Variants in CEP120 observed in about 807,000 individuals in gnomAD.
CEP120 encodes centrosomal protein of 120 kDa.
A neutral mutation model predicts 126.5 loss-of-function variants in CEP120; 113 were observed. The ratio of observed to expected loss-of-function variants is 0.89; its 90% CI spans 0.77 to 1.04. The LOEUF (loss-of-function observed/expected upper bound fraction) is 1.04. Ranked by LOEUF, CEP120 falls within the 50% of genes least tolerant of loss-of-function variation. The pLI is 0.00. For missense variants in CEP120, 1,230 were observed against 1,155.7 expected, an observed-to-expected ratio of 1.06 and a Z score of -0.93; for synonymous variants, 400 against 394.3, an observed-to-expected ratio of 1.01 and a Z score of -0.17.
intron 1 of CEP120, among the ~76,000 whole-genome samples, chr5:123,419,782 C>T (rs7706501): frequency 0.44 from 67,312 of 151,834 alleles, 14,850 homozygotes; most frequent in East Asian, 0.47. Flanking sequence ...ATGAGTAAAA[C>T]AGAGTACTTG....
Position 123,346,750 on chromosome 5 carries a change from T to G in CEP120, c.2730A>C (p.Leu910Phe). 1 of 1,595,900 alleles carries G rather than the reference T, an allele frequency of 6.3e-7. No individual in the cohort carries two copies. Among genetic ancestry groups the G allele is most frequent in the Non-Finnish European group, 8.5e-7 (1 of 1,173,468 alleles). Residue 910 changes from leucine (L) to phenylalanine (F), a missense_variant, in exon 20 of 20, where the codon TTA (leucine) becomes TTC (phenylalanine). Leu to Phe is a conservative substitution (Grantham distance 22, BLOSUM62 0). Coordinates refer to ENST00000306467, the MANE Select transcript of CEP120 (RefSeq NM_001375405.1). The stretch of plus-strand genomic sequence containing the variant: ...GGTATTGTTTTTGCTCTTGTTGCCT[T>G]AACCTGAGAAGTCAAGAACAAATGC... ...LLDIRNELNR[L>F]RQQEQKQYQD...
At chr5:123,358,490 A>C (rs891186497) in intron 18 of CEP120, 3 of 152,140 alleles carry the variant, frequency 2.0e-5, no homozygotes, top group African/African-American at 4.8e-5. Flanking sequence ...TGTCTATGTT[A>C]TATGGTGCTG....
Position 123,362,682 on chromosome 5 carries a change from A to G in CEP120, c.2580+1814T>C, listed in dbSNP as rs544626291. On this transcript the variant is annotated intron_variant, in intron 18 of 19. Transcript: ENST00000306467. Reference sequence around the variant, plus strand: ...TAACAGTATCATCATAGTGATCTTCACATTTTCTCTAGCTGTTATTTCCTT... The same window carrying G: ...TAACAGTATCATCATAGTGATCTTCGCATTTTCTCTAGCTGTTATTTCCTT... 2.0e-5 allele frequency among the ~76,000 whole-genome samples: 3 copies of G among 151,696 alleles called. No homozygotes were observed. In the South Asian group the frequency reaches 6.2e-4, roughly 31 times the overall value.
chr5:123,382,809 T>C lies in CEP120; in HGVS notation c.1941A>G (p.Glu647=). The C allele has an allele frequency of 6.2e-7, 1 of 1,613,494 alleles. No individual in the cohort carries two copies. Among genetic ancestry groups the C allele is most frequent in the South Asian group, 1.1e-5 (1 of 91,042 alleles). The part of the protein sequence containing the change: ...CPSEIQTEPR[E]TLEYKAALEL... Reference sequence around the variant, plus strand: ...CAAGTGCTGCTTTGTATTCTAACGTTTCACGAGGCTCTGTCTGGATCTCTG... The same window carrying C: ...CAAGTGCTGCTTTGTATTCTAACGTCTCACGAGGCTCTGTCTGGATCTCTG... Residue 647 remains glutamate, a synonymous_variant, in exon 13 of 20, where the codon GAA becomes GAG. Transcript: ENST00000306467.
chr5:123,410,834 C>T (rs6884993), intron 4 of CEP120, among the ~76,000 whole-genome samples: 110,167 of 152,114 alleles, frequency 0.72, 40,096 homozygotes, highest in African/African-American at 0.78. Context: ...ACTCATAAGC[C>T]GGACTTCATT....
At position 123,385,043 on chromosome 5, in the gene CEP120, C is replaced by T. The variant is rs75289011; in HGVS notation, c.1671G>A (p.Leu557=). 2,215 of 1,613,656 alleles carry T rather than the reference C, an allele frequency of 1.4e-3. 17 individuals are homozygous for T. Among genetic ancestry groups the T allele is most frequent in the Middle Eastern group, 9.9e-3 (60 of 6,056 alleles). The change falls in exon 11 of 20, where the codon TTG becomes TTA. Residue 557 remains leucine (L), a synonymous_variant. Coordinates refer to ENST00000306467, the MANE Select transcript of CEP120 (RefSeq NM_001375405.1). ...GIARIQLSNI[L]SSEKTRFLGS... ...CTAAAAAACGAGTTTTTTCTGAAGA[C>T]AAGATGTTAGAAAGCTGGATTCTCG...
At chr5:123,389,078 T>C (rs370233426) in intron 8 of CEP120, among the ~76,000 whole-genome samples, 6 of 152,276 alleles carry the variant, frequency 3.9e-5, no homozygotes, top group African/African-American at 1.4e-4. Context: ...CAGAGATACT[T>C]AGTGAGTGGC....
At chr5:123,365,578 A>G (rs1458993160) in intron 17 of CEP120, among the ~76,000 whole-genome samples, 3 of 151,710 alleles carry the variant, frequency 2.0e-5, no homozygotes, top group Non-Finnish European at 4.4e-5. Context: ...ATATGACTAC[A>G]TGGAGTCAAG....
chr5:123,391,728 A>C (rs1339467933), intron 6 of CEP120, among the ~76,000 whole-genome samples: 1 of 152,224 alleles, frequency 6.6e-6, no homozygotes, highest in Non-Finnish European at 1.5e-5. Flanking sequence ...CCATTAATTT[A>C]AACACAGTTT....
At chr5:123,356,511 C>T (rs566171664) in intron 18 of CEP120, among the ~76,000 whole-genome samples, 17 of 152,184 alleles carry the variant, frequency 1.1e-4, no homozygotes, top group African/African-American at 4.1e-4. Flanking sequence ...ATTTGGTCCA[C>T]TTAAAGCATT....
At chr5:123,396,778 G>C (rs1167673410) in intron 5 of CEP120, among the ~76,000 whole-genome samples, 1 of 152,076 alleles carries the variant, frequency 6.6e-6, no homozygotes, top group East Asian at 1.9e-4. Flanking sequence ...GCATTATATG[G>C]GAACAAGAGA....
chr5:123,378,384 T>G lies in CEP120; in HGVS notation c.2148A>C (p.Leu716=), dbSNP rs771155063. 1 of 1,607,968 alleles carries G rather than the reference T, an allele frequency of 6.2e-7. No homozygotes were observed. The highest frequency in any genetic ancestry group is 8.5e-7 in the Non-Finnish European group (1 of 1,177,642). The stretch of plus-strand genomic sequence containing the variant: ...GCTGCTCTCGCTTCTCCAAGTCAAT[T>G]AGAGTTTTTTGAAGTTTTCCTTCTA... The part of the protein sequence containing the change: ...TILEGKLQKT[L]IDLEKREQQL... Residue 716 remains leucine (L), a synonymous_variant, in exon 15 of 20, where the codon CTA becomes CTC. Coordinates refer to ENST00000306467, the MANE Select transcript of CEP120 (RefSeq NM_001375405.1).
In CEP120 at chr5:123,393,376, G is replaced by A. The variant is rs777291729; in HGVS notation, c.734C>T (p.Pro245Leu). 1 of 1,614,090 alleles carries A rather than the reference G, an allele frequency of 6.2e-7. No individual in the cohort carries two copies. The highest frequency in any genetic ancestry group is 8.5e-7 in the Non-Finnish European group (1 of 1,179,998). The change falls in exon 6 of 20, where the codon CCA becomes CTA. Residue 245 changes from proline (P) to leucine (L), a missense_variant. Transcript: ENST00000306467. ...FNDLINPNFE[P>L]ERASVRIRSS... is the part of the protein sequence containing the mutation. ...ACGGATGCGAACTGATGCTCTCTCT[G>A]GCTCAAAGTTTGGGTTGATTAAATC... is the stretch of plus-strand genomic sequence containing the variant.
intron 18 of CEP120, chr5:123,358,432 A>T (rs1300353851): frequency 6.6e-6 from 1 of 151,946 alleles, no homozygotes; most frequent in Non-Finnish European, 1.5e-5. Flanking sequence ...AATACACCAA[A>T]CTGTCTTCTT....
chr5:123,392,120 AC>A (rs1772444756), intron 6 of CEP120, among the ~76,000 whole-genome samples: 1 of 152,160 alleles, frequency 6.6e-6, no homozygotes, highest in Admixed American at 6.5e-5. Context: ...GTTAAGAGAG[AC>A]CTGTAACTTA....
intron 4 of CEP120, chr5:123,401,408 C>T (rs1196142711): frequency 9.8e-6 from 14 of 1,426,764 alleles, no homozygotes; most frequent in South Asian, 5.7e-5. Context: ...GCTGATGTTC[C>T]GGTTCATCTC....
intron 7 of CEP120, among the ~76,000 whole-genome samples, chr5:123,390,563 C>A (rs754839952): frequency 6.6e-6 from 1 of 152,134 alleles, no homozygotes; most frequent in Non-Finnish European, 1.5e-5. Context: ...ACACTCATTT[C>A]GGTTCTTCTA....
At chr5:123,365,667 T>G (rs1310165170) in intron 17 of CEP120, among the ~76,000 whole-genome samples, 4 of 151,718 alleles carry the variant, frequency 2.6e-5, no homozygotes, top group Admixed American at 1.3e-4. Context: ...GCATCTTAAG[T>G]TGAATAATAC....
intron 5 of CEP120, among the ~76,000 whole-genome samples, chr5:123,394,697 T>A (rs1030095294): frequency 1.3e-5 from 2 of 152,232 alleles, no homozygotes; most frequent in African/African-American, 2.4e-5. Flanking sequence ...ACCAGACACA[T>A]AATAAATGTA....
Sources: allele counts gnomAD v4.1 joint callset (sites outside exome capture counted in the v4.1 genomes callset), GRCh38; gene constraint gnomAD v4.1.1; transcripts MANE v1.5; gene names NCBI Gene and HGNC (gene_info 2026-07-23, HGNC 2026-07-21).